The following LRP1B variants were observed in gnomAD, a reference collection of about 807,000 sequenced individuals.
LRP1B encodes the protein LDL receptor related protein 1B, also known as low-density lipoprotein receptor-related protein 1B.
Under a neutral mutation model 556.6 loss-of-function variants are expected in LRP1B, and 217 were observed. That is an observed-to-expected ratio of 0.39 (90% confidence interval 0.35 to 0.44). LRP1B has a LOEUF of 0.44. LRP1B is among the 20% of genes least tolerant of loss of function. The pLI, the probability that LRP1B is intolerant of heterozygous loss-of-function variation, is 1.00. For synonymous variants in LRP1B, 2,047 were observed against 1,865.8 expected (o/e 1.10, Z -2.50); for missense variants, 5,053 against 5,620.8 (o/e 0.90, Z 3.23).
intron 2 of LRP1B, among the ~76,000 whole-genome samples, chr2:141,589,926 T>C (rs1438874225): frequency 6.6e-6 from 1 of 152,206 alleles, no homozygotes; most frequent in Non-Finnish European, 1.5e-5. Flanking sequence ...TTAAAATGAA[T>C]AATATTTTTT....
At chr2:140,484,151 A>G (rs919950709) in intron 59 of LRP1B, among the ~76,000 whole-genome samples, 1 of 152,186 alleles carries the variant, frequency 6.6e-6, no homozygotes, top group Admixed American at 6.5e-5. Context: ...AAAATACTCA[A>G]AAAGATAAAA....
At chr2:140,855,487 T>C (rs1692587565) in intron 27 of LRP1B, among the ~76,000 whole-genome samples, 1 of 13,948 alleles carries the variant, frequency 7.2e-5, no homozygotes, top group African/African-American at 1.4e-4. Context: ...GTCCCATCTC[T>C]ACTGGGAAAA....
chr2:141,129,337 T>C (rs1052032159), intron 7 of LRP1B, among the ~76,000 whole-genome samples: 12 of 152,134 alleles, frequency 7.9e-5, no homozygotes, highest in Non-Finnish European at 8.8e-5. Flanking sequence ...GGAGATTTGA[T>C]TGGGAACCGA....
chr2:140,720,021 G>A (rs878874166), intron 35 of LRP1B, among the ~76,000 whole-genome samples: 1 of 151,996 alleles, frequency 6.6e-6, no homozygotes, highest in East Asian at 1.9e-4. Context: ...TCAGGTTGAA[G>A]GAGGATAACA....
chr2:141,493,665 GTC>G (rs1410789517), intron 2 of LRP1B, among the ~76,000 whole-genome samples: 1 of 152,154 alleles, frequency 6.6e-6, no homozygotes, highest in African/African-American at 2.4e-5. Context: ...GCCCACCTGT[GTC>G]TGAGCCAGCA....
chr2:140,309,252 G>A (rs1368370604), intron 83 of LRP1B, among the ~76,000 whole-genome samples: 1 of 151,782 alleles, frequency 6.6e-6, no homozygotes, highest in Non-Finnish European at 1.5e-5. Flanking sequence ...AGAATTGTGA[G>A]CTTTATCTAG....
intron 59 of LRP1B, 128 bp downstream of exon 59, chr2:140,485,215 C>G (rs1441841549): frequency 1.5e-5 from 8 of 546,216 alleles, no homozygotes; most frequent in Admixed American, 4.0e-5. Flanking sequence ...TTTTCTATTT[C>G]TAAGTGAGAA....
intron 6 of LRP1B, among the ~76,000 whole-genome samples, chr2:141,190,494 A>G (rs1411235921): frequency 6.6e-6 from 1 of 152,010 alleles, no homozygotes; most frequent in Admixed American, 6.6e-5. Context: ...TCTGATAAAA[A>G]TGATAAATTC....
At chr2:141,652,637 A>G (rs1197162079) in intron 2 of LRP1B, among the ~76,000 whole-genome samples, 1 of 152,204 alleles carries the variant, frequency 6.6e-6, no homozygotes. Context: ...TTCACAGGAC[A>G]TTAGAAGGAA....
At chr2:140,928,690 A>G (rs1694958756) in intron 20 of LRP1B, among the ~76,000 whole-genome samples, 1 of 152,142 alleles carries the variant, frequency 6.6e-6, no homozygotes, top group Non-Finnish European at 1.5e-5. Context: ...TACATTGTCA[A>G]TATCATTGAT....
At chr2:141,757,239 A>G (rs1301928205) in intron 2 of LRP1B, among the ~76,000 whole-genome samples, 4 of 152,138 alleles carry the variant, frequency 2.6e-5, no homozygotes, top group Non-Finnish European at 4.4e-5. Context: ...ATCGATTTCA[A>G]ATAAAAATCA....
chr2:141,046,228 G>T (rs115378076), intron 11 of LRP1B, among the ~76,000 whole-genome samples: 1 of 152,058 alleles, frequency 6.6e-6, no homozygotes, highest in Non-Finnish European at 1.5e-5. Context: ...TTCAAACTAC[G>T]TAAATTTATC....
At chr2:141,985,226 T>C (rs887656752) in intron 1 of LRP1B, among the ~76,000 whole-genome samples, 32 of 152,240 alleles carry the variant, frequency 2.1e-4, no homozygotes, top group African/African-American at 7.0e-4. Flanking sequence ...GAATTTGAAA[T>C]AGCATTCTAA....
At chr2:142,024,689 G>A (rs537326575) in intron 1 of LRP1B, among the ~76,000 whole-genome samples, 20 of 132,226 alleles carry the variant, frequency 1.5e-4, no homozygotes, top group Middle Eastern at 5.1e-3. Context: ...ACTAAAATCT[G>A]TGTGACATAG....
intron 41 of LRP1B, 25 bp from the exon 42 acceptor site, chr2:140,601,664 A>G (rs201150678): frequency 2.6e-6 from 4 of 1,514,624 alleles, no homozygotes; most frequent in Admixed American, 3.7e-5. Context: ...AAAAGAAAAA[A>G]TATATACTTT....
intron 32 of LRP1B, among the ~76,000 whole-genome samples, chr2:140,780,163 G>A (rs1689648602): frequency 6.6e-6 from 1 of 152,180 alleles, no homozygotes; most frequent in African/African-American, 2.4e-5. Context: ...TTGTCCCTAA[G>A]AAGTAGGAGT....
chr2:140,545,165 T>C (rs956068393), intron 43 of LRP1B, among the ~76,000 whole-genome samples: 2 of 151,642 alleles, frequency 1.3e-5, no homozygotes, highest in African/African-American at 4.8e-5. Context: ...AATTTAAGTT[T>C]CTTATTAATG....
chr2:140,671,912 A>T (rs1358932180), intron 41 of LRP1B, among the ~76,000 whole-genome samples: 1 of 152,198 alleles, frequency 6.6e-6, no homozygotes, highest in Admixed American at 6.5e-5. Context: ...CAAAGTAAGT[A>T]TATTCCATAC....
intron 3 of LRP1B, among the ~76,000 whole-genome samples, chr2:141,314,163 C>T (rs1056544196): frequency 3.3e-5 from 5 of 152,118 alleles, no homozygotes; most frequent in South Asian, 2.1e-4. Flanking sequence ...AAAATATACT[C>T]GCATGCCTCG....
Sources: allele counts gnomAD v4.1 joint callset (sites outside exome capture counted in the v4.1 genomes callset), GRCh38; gene constraint gnomAD v4.1.1; transcripts MANE v1.5; gene names NCBI Gene and HGNC (gene_info 2026-07-23, HGNC 2026-07-21).